The following CARMIL1 variants were observed in gnomAD, a reference collection of about 807,000 sequenced individuals.
The protein encoded by CARMIL1 is F-actin-uncapping protein LRRC16A.
Under a neutral mutation model 177.1 loss-of-function variants are expected in CARMIL1, and 90 were observed. The observed-to-expected ratio is 0.51, with a 90% CI of 0.43 to 0.61. The LOEUF (loss-of-function observed/expected upper bound fraction) is 0.61. Among genes scored for constraint, CARMIL1 ranks in the 20% least tolerant of loss-of-function variants. The pLI, the probability that CARMIL1 is intolerant of heterozygous loss-of-function variation, is 0.00. For synonymous variants in CARMIL1, 577 were observed against 606.2 expected (o/e 0.95, Z 0.71); for missense variants, 1,380 against 1,667.0 (o/e 0.83, Z 3.00).
chr6:25,409,779 T>A (rs1794746248), intron 2 of CARMIL1, among the ~76,000 whole-genome samples: 1 of 152,184 alleles, frequency 6.6e-6, no homozygotes, highest in African/African-American at 2.4e-5. Context: ...CAAACAAGTT[T>A]TGTGAAATAA....
At chr6:25,494,472 T>C (rs1803507497) in intron 15 of CARMIL1, among the ~76,000 whole-genome samples, 2 of 152,260 alleles carry the variant, frequency 1.3e-5, no homozygotes, top group African/African-American at 4.8e-5. Context: ...GCTGTATGAT[T>C]TGATCCACAT....
intron 2 of CARMIL1, among the ~76,000 whole-genome samples, chr6:25,300,062 T>A (rs1166976901): frequency 1.3e-5 from 2 of 152,084 alleles, no homozygotes; most frequent in Non-Finnish European, 2.9e-5. Flanking sequence ...AATCATTGGT[T>A]TAGATCAGTG....
chr6:25,487,486 A>G (rs1232237877), intron 12 of CARMIL1, among the ~76,000 whole-genome samples: 1 of 152,256 alleles, frequency 6.6e-6, no homozygotes, highest in Non-Finnish European at 1.5e-5. Context: ...AAAATAATTT[A>G]TAAAAGGATA....
intron 2 of CARMIL1, among the ~76,000 whole-genome samples, chr6:25,409,697 T>C (rs1037849521): frequency 6.6e-6 from 1 of 152,190 alleles, no homozygotes; most frequent in African/African-American, 2.4e-5. Flanking sequence ...ACATGCATTT[T>C]ATATTGATTT....
intron 2 of CARMIL1, among the ~76,000 whole-genome samples, chr6:25,408,889 A>G (rs1794651184): frequency 2.0e-5 from 3 of 152,106 alleles, no homozygotes; most frequent in Admixed American, 2.0e-4. Context: ...CAGCATATCT[A>G]GGAGAGTGCT....
intron 1 of CARMIL1, among the ~76,000 whole-genome samples, chr6:25,281,166 A>ACG (rs1255930841): frequency 5.0e-4 from 75 of 150,050 alleles, no homozygotes; most frequent in East Asian, 3.2e-3. Context: ...ACACACACAC[A>ACG]CACGCACCTC....
intron 36 of CARMIL1, chr6:25,612,647 A>G (rs1274629077): frequency 1.5e-6 from 1 of 647,032 alleles, no homozygotes; most frequent in African/African-American, 2.0e-5. Flanking sequence ...GTAAGCTGAT[A>G]TTTAATTTTT....
At position 25,519,636 on chromosome 6, in the gene CARMIL1, G is replaced by A. The variant is rs115090748; in HGVS notation, c.1875-608G>A. Among the ~76,000 whole-genome samples, 433 of 152,318 alleles carry A rather than the reference G, an allele frequency of 2.8e-3. 3 individuals carry two copies. The highest frequency in any genetic ancestry group is 0.01 in the Middle Eastern group (3 of 294). On this transcript the variant is annotated intron_variant, in intron 22 of 36. Transcript: ENST00000329474. ...ACTCAAGCTGAAAGGACCTGCAGAG[G>A]TCAGAGTGTTTAGCCAGGCAGCAGA... is the stretch of plus-strand genomic sequence containing the variant.
rs908031028 is a variant in CARMIL1, at chr6:25,322,060, C to T, written c.138+37151C>T. Reference sequence around the variant, plus strand: ...GCTCCTGCCTCAGCCTCCAAAGTAGCCGCGATATAGCACGTACCACCATGC... The same window carrying T: ...GCTCCTGCCTCAGCCTCCAAAGTAGTCGCGATATAGCACGTACCACCATGC... On this transcript the variant is annotated intron_variant, in intron 2 of 36. Coordinates refer to ENST00000329474, the MANE Select transcript of CARMIL1 (RefSeq NM_017640.6). Among the ~76,000 whole-genome samples the T allele has an allele frequency of 7.2e-5, 11 of 152,016 alleles. No homozygotes were observed. In the East Asian group the frequency reaches 2.1e-3, roughly 29 times the overall value.
rs942034063 is a variant in CARMIL1, at chr6:25,573,221, T to C, written c.2743-7703T>C. ...GCATTCCCCTATGTCACCCAAATTA[T>C]CCCATTTATCTATCATGTGTTTTTG... On this transcript the variant is annotated intron_variant, in intron 29 of 36. Coordinates refer to ENST00000329474, the MANE Select transcript of CARMIL1 (RefSeq NM_017640.6). Among the ~76,000 whole-genome samples the C allele has an allele frequency of 4.6e-5, 7 of 152,306 alleles. No homozygotes were observed. In the South Asian group the frequency reaches 6.2e-4, roughly 14 times the overall value.
intron 36 of CARMIL1, among the ~76,000 whole-genome samples, chr6:25,613,136 G>A (rs191030044): frequency 3.3e-5 from 5 of 152,258 alleles, no homozygotes; most frequent in East Asian, 3.9e-4. Flanking sequence ...TTGGTGACTT[G>A]TCCTTTTAAA....
At chr6:25,376,051 T>C (rs192015412) in intron 2 of CARMIL1, among the ~76,000 whole-genome samples, 1 of 152,330 alleles carries the variant, frequency 6.6e-6, no homozygotes, top group East Asian at 1.9e-4. Context: ...GGGGTTGTTA[T>C]AGAACCCCGT....
In CARMIL1 at chr6:25,426,561, G is replaced by A; in HGVS notation, c.249+1G>A. 1 of 1,611,540 alleles carries A rather than the reference G, an allele frequency of 6.2e-7. No individual in the cohort carries two copies. Among genetic ancestry groups the A allele is most frequent in the Non-Finnish European group, 8.5e-7 (1 of 1,178,354 alleles). On this transcript the variant is annotated splice_donor_variant, in intron 4 of 36. Coordinates refer to ENST00000329474, the MANE Select transcript of CARMIL1 (RefSeq NM_017640.6). LOFTEE classifies it high-confidence loss of function. ...CGTCGTTTGCAGCAAGTCAGCTCAG[G>A]TGAGTGTGAAAAATGGATCACTGCA...
At chr6:25,526,531 C>T (rs1001965353) in intron 23 of CARMIL1, among the ~76,000 whole-genome samples, 13 of 150,918 alleles carry the variant, frequency 8.6e-5, no homozygotes, top group Admixed American at 5.3e-4. Flanking sequence ...TCTCCTTTTC[C>T]TCTCCTCTCC....
chr6:25,584,405 GGTGCATACTAGATATT>G (rs1211584858), intron 31 of CARMIL1, among the ~76,000 whole-genome samples: 1 of 143,556 alleles, frequency 7.0e-6, no homozygotes, highest in African/African-American at 2.6e-5. Context: ...TCCTATGTGA[GGTGCATACTAGATATT>G]GCAAGGCAGA....
intron 31 of CARMIL1, among the ~76,000 whole-genome samples, chr6:25,587,875 G>A (rs567789260): frequency 1.8e-4 from 28 of 152,276 alleles, no homozygotes; most frequent in Admixed American, 7.8e-4. Context: ...ACCAGAATGT[G>A]CCAGCTACAA....
intron 2 of CARMIL1, among the ~76,000 whole-genome samples, chr6:25,363,750 A>G (rs1405811378): frequency 6.6e-6 from 1 of 152,230 alleles, no homozygotes; most frequent in African/African-American, 2.4e-5. Context: ...GTATAGTTTT[A>G]TATATAGATT....
At chr6:25,482,215 T>G (rs771901329) in intron 11 of CARMIL1, 42 bp from the exon 12 acceptor site, 1 of 998,228 alleles carries the variant, frequency 1.0e-6, no homozygotes, top group Non-Finnish European at 1.6e-6. Context: ...AATGCAATTC[T>G]GAGAACTTGA....
intron 26 of CARMIL1, among the ~76,000 whole-genome samples, chr6:25,547,285 A>G (rs1411400884): frequency 3.9e-5 from 6 of 152,180 alleles, no homozygotes; most frequent in Admixed American, 2.0e-4. Context: ...AGACATTCCA[A>G]TAGGTTTTTA....
Sources: allele counts gnomAD v4.1 joint callset (sites outside exome capture counted in the v4.1 genomes callset), GRCh38; gene constraint gnomAD v4.1.1; transcripts MANE v1.5; gene names NCBI Gene and HGNC (gene_info 2026-07-23, HGNC 2026-07-21).